BANK1: variants seen among roughly 807,000 people sequenced by gnomAD.
BANK1 encodes the protein B cell scaffold protein with ankyrin repeats 1.
In BANK1, 95 loss-of-function variants were observed where a neutral mutation model predicts 94.5. The ratio of observed to expected loss-of-function variants is 1.00; its 90% CI spans 0.85 to 1.19. The LOEUF is 1.19. BANK1 is among the 50% of genes most tolerant of loss of function. The pLI, the probability that BANK1 is intolerant of heterozygous loss-of-function variation, is 0.00. For missense variants in BANK1, 987 were observed against 932.2 expected (o/e 1.06, Z -0.77); for synonymous variants, 334 against 308.4 (o/e 1.08, Z -0.87).
At chr4:101,930,872 A>C (rs1170827192) in intron 7 of BANK1, among the ~76,000 whole-genome samples, 3 of 151,552 alleles carry the variant, frequency 2.0e-5, no homozygotes, top group Non-Finnish European at 4.4e-5. Flanking sequence ...AGTTTGTCCC[A>C]CTGCAAATCT....
chr4:101,947,903 C>G (rs1025308859), intron 7 of BANK1, among the ~76,000 whole-genome samples: 2 of 151,830 alleles, frequency 1.3e-5, no homozygotes, highest in Admixed American at 1.3e-4. Flanking sequence ...TTGAAAATCT[C>G]CTGAGACTGA....
intron 11 of BANK1, among the ~76,000 whole-genome samples, chr4:102,047,367 CA>C (rs1159490555): frequency 1.3e-5 from 2 of 151,996 alleles, no homozygotes; most frequent in Non-Finnish European, 2.9e-5. Flanking sequence ...AATTTACATG[CA>C]AAAAACTCTT....
chr4:101,951,482 A>G (rs1376449298), intron 7 of BANK1, among the ~76,000 whole-genome samples: 1 of 152,130 alleles, frequency 6.6e-6, no homozygotes, highest in Non-Finnish European at 1.5e-5. Flanking sequence ...TTAACAATTA[A>G]CACTGAAAGC....
At chr4:102,001,203 G>A (rs895052532) in intron 7 of BANK1, among the ~76,000 whole-genome samples, 12 of 152,208 alleles carry the variant, frequency 7.9e-5, no homozygotes, top group African/African-American at 2.9e-4. Flanking sequence ...TCCCTGGCAT[G>A]GGGACACTTC....
At chr4:102,013,837 G>A (rs764815721) in intron 7 of BANK1, among the ~76,000 whole-genome samples, 5 of 151,634 alleles carry the variant, frequency 3.3e-5, no homozygotes, top group Admixed American at 1.3e-4. Context: ...TAAAAAATAG[G>A]GCAACATAAA....
chr4:101,920,842 A>C (rs1272554379), intron 7 of BANK1, among the ~76,000 whole-genome samples: 2 of 151,920 alleles, frequency 1.3e-5, no homozygotes, highest in Non-Finnish European at 2.9e-5. Context: ...ATGATTTTAG[A>C]AAAATACAGA....
intron 7 of BANK1, among the ~76,000 whole-genome samples, chr4:101,922,244 T>G (rs1204769655): frequency 6.6e-6 from 1 of 151,904 alleles, no homozygotes; most frequent in African/African-American, 2.4e-5. Flanking sequence ...TTAGGTTTTG[T>G]GTTTAGGCTA....
chr4:101,933,154 T>C (rs1202718751), intron 7 of BANK1, among the ~76,000 whole-genome samples: 1 of 151,458 alleles, frequency 6.6e-6, no homozygotes, highest in Non-Finnish European at 1.5e-5. Context: ...CAAATGGCTA[T>C]TTTGAAATTT....
chr4:101,819,752 A>G (rs905432050), intron 1 of BANK1, among the ~76,000 whole-genome samples: 3 of 152,216 alleles, frequency 2.0e-5, no homozygotes, highest in Non-Finnish European at 4.4e-5. Flanking sequence ...GAAGACAGAC[A>G]TCACAGCACT....
chr4:101,839,942 T>A (rs1486342334), intron 2 of BANK1, among the ~76,000 whole-genome samples: 584 of 12,672 alleles, frequency 0.046, 36 homozygotes, highest in African/African-American at 0.15. Flanking sequence ...ATTTAATTTT[T>A]TTTTTTTTTT....
intron 7 of BANK1, among the ~76,000 whole-genome samples, chr4:101,966,793 T>C (rs1410849994): frequency 6.6e-6 from 1 of 152,028 alleles, no homozygotes; most frequent in Non-Finnish European, 1.5e-5. Flanking sequence ...TTAAGACCCA[T>C]AGTCAGCTCA....
intron 5 of BANK1, among the ~76,000 whole-genome samples, chr4:101,888,941 C>T (rs1307655498): frequency 6.6e-6 from 1 of 152,158 alleles, no homozygotes; most frequent in Non-Finnish European, 1.5e-5. Flanking sequence ...GCTCAGTGTT[C>T]ACACCCCTCA....
intron 2 of BANK1, among the ~76,000 whole-genome samples, chr4:101,850,472 G>A (rs1163069895): frequency 3.3e-5 from 5 of 150,914 alleles, no homozygotes; most frequent in East Asian, 1.9e-4. Context: ...TGGTAGGGAC[G>A]GGGTTTCACC....
chr4:101,858,874 A>G (rs1323643953), intron 3 of BANK1, among the ~76,000 whole-genome samples: 2 of 152,190 alleles, frequency 1.3e-5, no homozygotes, highest in Non-Finnish European at 2.9e-5. Flanking sequence ...GTTCATTGAC[A>G]CACTTCTAAG....
chr4:101,933,312 G>GGA (rs1553933837), intron 7 of BANK1, among the ~76,000 whole-genome samples: 1 of 105,754 alleles, frequency 9.5e-6, no homozygotes, highest in Non-Finnish European at 1.9e-5. Context: ...TAAGAAAGGA[G>GGA]AAAAAAAAAA....
At chr4:101,929,757 G>C (rs1208012207) in intron 7 of BANK1, among the ~76,000 whole-genome samples, 1 of 151,268 alleles carries the variant, frequency 6.6e-6, no homozygotes, top group South Asian at 2.1e-4. Context: ...AACCCTTCCT[G>C]GTGCTTATAT....
chr4:102,011,864 G>T (rs964578239), intron 7 of BANK1, among the ~76,000 whole-genome samples: 4 of 152,016 alleles, frequency 2.6e-5, no homozygotes, highest in African/African-American at 9.7e-5. Flanking sequence ...TTTTTAATAG[G>T]TCTGTATTTA....
At chr4:102,001,899 T>C (rs1365312309) in intron 7 of BANK1, among the ~76,000 whole-genome samples, 1 of 152,208 alleles carries the variant, frequency 6.6e-6, no homozygotes, top group Non-Finnish European at 1.5e-5. Flanking sequence ...ATTTGGAAGC[T>C]TAACAATGTT....
intron 6 of BANK1, among the ~76,000 whole-genome samples, chr4:101,905,137 T>G (rs1722406126): frequency 6.6e-6 from 1 of 152,232 alleles, no homozygotes; most frequent in East Asian, 1.9e-4. Flanking sequence ...GATACAACAA[T>G]TTGAATTTCT....
Sources: gnomAD v4.1 joint callset for allele counts (sites outside exome capture counted in the v4.1 genomes callset) on GRCh38, gnomAD v4.1.1 for gene constraint, MANE v1.5 for transcripts, NCBI Gene and HGNC (gene_info 2026-07-23, HGNC 2026-07-21) for gene names.